Variants in NR2C1 observed in about 807,000 individuals in gnomAD.
NR2C1 encodes the protein TR2 nuclear hormone receptor.
Under a neutral mutation model 74.8 loss-of-function variants are expected in NR2C1, and 33 were observed. That is an observed-to-expected ratio of 0.44 (90% confidence interval 0.33 to 0.59). NR2C1 has a LOEUF of 0.59. NR2C1 is among the 20% of genes least tolerant of loss of function. The pLI is 0.02. For synonymous variants in NR2C1, 225 were observed against 240.6 expected (o/e 0.94, Z 0.60); for missense variants, 568 against 715.6 (o/e 0.79, Z 2.35).
chr12:95,025,277 T>G (rs756878675), intron 12 of NR2C1, 22 bp from the exon 13 acceptor site: 1 of 1,251,676 alleles, frequency 8.0e-7, no homozygotes, highest in East Asian at 2.3e-5. Flanking sequence ...AAGAAAACAT[T>G]GGTACCCTAG....
At chr12:95,071,441 A>G (rs1479090615) in intron 1 of NR2C1, among the ~76,000 whole-genome samples, 1 of 152,166 alleles carries the variant, frequency 6.6e-6, no homozygotes, top group Admixed American at 6.5e-5. Flanking sequence ...TTATATTTAT[A>G]CTATTATTTA....
rs7980659 is a variant in NR2C1 at position 95,030,551 on chromosome 12, T to G, written c.1393+798A>C. ...ATAAGACATGAACCAGGGGTAGGAG[T>G]CCATAAGTAAGATGGGAATGTGATG... On this transcript the variant is annotated intron_variant, in intron 11 of 13. Transcript: ENST00000333003. The G allele has an allele frequency of 2.3e-3, 3,761 of 1,612,312 alleles. 70 individuals carry two copies. In the African/African-American group the frequency reaches 0.045, roughly 19 times the overall value.
At chr12:95,066,134 C>T (rs770663460) in intron 2 of NR2C1, among the ~76,000 whole-genome samples, 4 of 152,108 alleles carry the variant, frequency 2.6e-5, no homozygotes, top group Non-Finnish European at 4.4e-5. Flanking sequence ...CTACAAATTG[C>T]TTTAATATCT....
rs1332235636 is a variant in NR2C1 at position 95,052,027 on chromosome 12, T to A, written c.784-84A>T. 4 of 889,082 alleles carry A rather than the reference T, an allele frequency of 4.5e-6. No individual in the cohort carries two copies. In the African/African-American group the frequency reaches 6.8e-5, roughly 15 times the overall value. The allele number at this position is 889,082 out of a possible 1,614,324, so 55.1% of individuals were successfully genotyped here. The stretch of plus-strand genomic sequence containing the variant: ...AAATATCCAATTATAGATTATGATA[T>A]GCCAACAAAAGAACAGTATGATAAA... On this transcript the variant is annotated intron_variant, in intron 7 of 13. Transcript: ENST00000333003.
intron 3 of NR2C1, among the ~76,000 whole-genome samples, chr12:95,061,376 G>A (rs1486716325): frequency 6.6e-6 from 1 of 152,206 alleles, no homozygotes; most frequent in African/African-American, 2.4e-5. Flanking sequence ...GGAACTGTGT[G>A]TATTTACGGG....
At chr12:95,072,885 A>G (rs1230885286) in intron 1 of NR2C1, 3 of 152,226 alleles carry the variant, frequency 2.0e-5, no homozygotes, top group Non-Finnish European at 4.4e-5. Context: ...CGTCCCGTGA[A>G]AGCACGGGAG....
chr12:95,033,148 C>CA (rs200022502), intron 10 of NR2C1, among the ~76,000 whole-genome samples: 5,610 of 83,922 alleles, frequency 0.067, 154 homozygotes, highest in Middle Eastern at 0.19. Flanking sequence ...GACCCTGTCT[C>CA]AAAAAAAAAA....
In NR2C1 at chr12:95,040,485, T is replaced by A. The variant is rs762240406; in HGVS notation, c.1244A>T (p.Gln415Leu). Reference sequence around the variant, plus strand: ...ATTTCAAAACACTCACCCTAGAGCCTGGAAAGAAGGAATCGAAAGTGCCCA... The same window carrying A: ...ATTTCAAAACACTCACCCTAGAGCCAGGAAAGAAGGAATCGAAAGTGCCCA... Reference protein sequence around the residue: ...MHWALSIPSFQALGQENSISL... With the variant: ...MHWALSIPSFLALGQENSISL... Residue 415 changes from glutamine to leucine, a missense_variant, in exon 10 of 14, where the codon CAG (glutamine) becomes CTG (leucine). This residue lies in a region of NR2C1 where 39 missense variants were observed against 64.6 expected (regional missense o/e 0.60). Coordinates refer to ENST00000333003, the MANE Select transcript of NR2C1 (RefSeq NM_003297.4). 6 of 1,613,458 alleles carry A rather than the reference T, an allele frequency of 3.7e-6. No homozygotes were observed.
intron 9 of NR2C1, among the ~76,000 whole-genome samples, chr12:95,046,667 G>T (rs1451579026): frequency 1.3e-5 from 2 of 152,140 alleles, no homozygotes; most frequent in African/African-American, 4.8e-5. Context: ...AAAATATGCT[G>T]CAAACTACAG....
At chr12:95,030,065 G>C (rs1486560519) in intron 11 of NR2C1, among the ~76,000 whole-genome samples, 1 of 152,082 alleles carries the variant, frequency 6.6e-6, no homozygotes, top group Non-Finnish European at 1.5e-5. Context: ...CTGTAGAGGT[G>C]GGGTACCACA....
chr12:95,025,699 CCA>C lies in NR2C1; in HGVS notation c.1532-446_1532-445del, dbSNP rs141504070. ...AAAAAAAAAGTGTGGCTCATTCATT[CCA>C]CAAATATTGATTGAGGCCACCTACT... On this transcript the variant is annotated intron_variant, in intron 12 of 13. Coordinates refer to ENST00000333003, the MANE Select transcript of NR2C1 (RefSeq NM_003297.4). Among the ~76,000 whole-genome samples, 607 of 146,212 alleles carry C rather than the reference CCA, an allele frequency of 4.2e-3. 1 individual carries two copies. Among genetic ancestry groups the C allele is most frequent in the African/African-American group, 0.015 (580 of 39,670 alleles).
chr12:95,039,627 T>C (rs778081524), intron 10 of NR2C1, among the ~76,000 whole-genome samples: 6 of 152,214 alleles, frequency 3.9e-5, no homozygotes, highest in Admixed American at 6.5e-5. Context: ...CAGAACAGAA[T>C]GTAGATATAC....
chr12:95,043,996 CAAT>C (rs2136135429), intron 9 of NR2C1, among the ~76,000 whole-genome samples: 1 of 152,210 alleles, frequency 6.6e-6, no homozygotes, highest in South Asian at 2.1e-4. Flanking sequence ...GCTGAAGAAA[CAAT>C]AGTCCATTTC....
At chr12:95,046,432 T>G (rs1043099435) in intron 9 of NR2C1, among the ~76,000 whole-genome samples, 3 of 151,956 alleles carry the variant, frequency 2.0e-5, no homozygotes, top group African/African-American at 7.3e-5. Context: ...CACAAAAATT[T>G]TTTAAATTAG....
intron 9 of NR2C1, among the ~76,000 whole-genome samples, chr12:95,041,863 C>T (rs182708589): frequency 2.0e-4 from 30 of 152,324 alleles, no homozygotes; most frequent in Admixed American, 3.9e-4. Flanking sequence ...CATTGCAGCT[C>T]TACATCTAAC....
chr12:95,037,533 T>C (rs766009892), intron 10 of NR2C1, among the ~76,000 whole-genome samples: 1 of 152,334 alleles, frequency 6.6e-6, no homozygotes, highest in African/African-American at 2.4e-5. Context: ...CAGAAAATGA[T>C]TAATGTTGCT....
chr12:95,024,153 A>G (rs1320506921), intron 13 of NR2C1, among the ~76,000 whole-genome samples: 4 of 152,222 alleles, frequency 2.6e-5, no homozygotes, highest in Non-Finnish European at 5.9e-5. Context: ...TATTTAATAT[A>G]TGTAAAAAAA....
chr12:95,027,363 T>C (rs1869486500), intron 12 of NR2C1, among the ~76,000 whole-genome samples: 1 of 152,166 alleles, frequency 6.6e-6, no homozygotes, highest in African/African-American at 2.4e-5. Context: ...CCAAGGTCTA[T>C]CATATTATTT....
intron 1 of NR2C1, among the ~76,000 whole-genome samples, chr12:95,067,671 C>T (rs989104823): frequency 2.0e-5 from 3 of 151,458 alleles, no homozygotes; most frequent in African/African-American, 7.3e-5. Context: ...TCAAGTGATC[C>T]TCCCACCTCA....
Sources: gnomAD v4.1 joint callset for allele counts (sites outside exome capture counted in the v4.1 genomes callset) on GRCh38, gnomAD v4.1.1 for gene constraint, gnomAD v4.1.1 regional missense constraint, MANE v1.5 for transcripts, NCBI Gene and HGNC (gene_info 2026-07-23, HGNC 2026-07-21) for gene names.